Variants in DBF4 observed in about 807,000 individuals in gnomAD.
DBF4 encodes the protein DBF4-CDC7 kinase regulatory subunit, also known as protein DBF4 homolog A.
Under a neutral mutation model 76.6 loss-of-function variants are expected in DBF4, and 25 were observed. The observed-to-expected ratio is 0.33, with a 90% CI of 0.24 to 0.46. DBF4 has a LOEUF of 0.46. Among genes scored for constraint, DBF4 ranks in the 20% least tolerant of loss-of-function variants. DBF4 has a pLI of 1.00. For missense variants in DBF4, 638 were observed against 760.8 expected, an observed-to-expected ratio of 0.84 and a Z score of 1.90; for synonymous variants, 213 against 258.0, an observed-to-expected ratio of 0.83 and a Z score of 1.67.
rs1163287720 is a variant in DBF4, at chr7:87,882,062, A to C, written c.220-2917A>C. Among the ~76,000 whole-genome samples the C allele has an allele frequency of 2.6e-5, 4 of 152,222 alleles. No homozygotes were observed. The East Asian group carries it at 5.8e-4, about 22-fold the overall frequency. ...CTAGATTGCAAAGGGCGTTTTATTCACTCTAAGGAGTTTTAACTATGTAAG... is the reference window on the plus strand; with the variant it reads ...CTAGATTGCAAAGGGCGTTTTATTCCCTCTAAGGAGTTTTAACTATGTAAG... On this transcript the variant is annotated intron_variant, in intron 2 of 11. Transcript: ENST00000265728.
rs780933871 is a variant in DBF4 at position 87,907,241 on chromosome 7, A to G, written c.1103A>G (p.Lys368Arg). The G allele has an allele frequency of 1.9e-6, 3 of 1,613,226 alleles. No individual in the cohort carries two copies. The highest frequency in any genetic ancestry group is 2.5e-6 in the Non-Finnish European group (3 of 1,179,802). Reference sequence around the variant, plus strand: ...CCTGTTTCTGCAAGTGTCCTGAAAAAGACTGAACAAAAGGAAAAAGTGGAA... The same window carrying G: ...CCTGTTTCTGCAAGTGTCCTGAAAAGGACTGAACAAAAGGAAAAAGTGGAA... ...LSPVSASVLK[K>R]TEQKEKVELQ... Residue 368 changes from lysine (K) to arginine (R), a missense_variant, in exon 12 of 12, where the codon AAG becomes AGG. Transcript: ENST00000265728.
intron 8 of DBF4, among the ~76,000 whole-genome samples, chr7:87,899,265 A>C (rs1839709621): frequency 6.6e-6 from 1 of 152,250 alleles, no homozygotes; most frequent in Non-Finnish European, 1.5e-5. Context: ...CTGTGCCTAA[A>C]GGGATATAAC....
chr7:87,901,534 T>G (rs1370860046), intron 10 of DBF4, among the ~76,000 whole-genome samples: 3 of 152,196 alleles, frequency 2.0e-5, no homozygotes, highest in Non-Finnish European at 4.4e-5. Context: ...CTATAGTATT[T>G]TGAACCTTAG....
chr7:87,887,517 T>A, intron 5 of DBF4, 119 bp downstream of exon 5: 2 of 1,169,224 alleles, frequency 1.7e-6, no homozygotes. Flanking sequence ...CTGTTTCCTA[T>A]TGCTTATAAC....
chr7:87,897,490 T>C, intron 8 of DBF4, 151 bp downstream of exon 8: 3 of 618,224 alleles, frequency 4.9e-6, no homozygotes, highest in Non-Finnish European at 8.0e-6. Context: ...TTAACGAAAG[T>C]AGCATTAATT....
In DBF4 at chr7:87,908,662, G is replaced by T. The variant is rs1839967824; in HGVS notation, c.*499G>T. On this transcript the variant is annotated 3_prime_UTR_variant, in exon 12 of 12. Transcript: ENST00000265728. The stretch of plus-strand genomic sequence containing the variant: ...ACTGGTGGACCATGCTAGTATTTTG[G>T]TGCTGAGTAATTAGATTATGTATAG... The T allele has an allele frequency of 6.6e-6, 1 of 152,558 alleles. No individual in the cohort carries two copies. Among genetic ancestry groups the T allele is most frequent in the African/African-American group, 2.4e-5 (1 of 41,442 alleles). The allele number at this position is 152,558 out of a possible 1,614,324, so 9.5% of individuals were successfully genotyped here.
At chr7:87,886,535 CAA>C (rs11411808) in intron 3 of DBF4, among the ~76,000 whole-genome samples, 5 of 54,250 alleles carry the variant, frequency 9.2e-5, no homozygotes, top group Admixed American at 2.4e-4. Context: ...ACTTTGTCTC[CAA>C]AAAAAAAAAA....
chr7:87,887,893 T>G lies in DBF4; in HGVS notation c.521-90T>G, dbSNP rs562357968. ...CATAAGAGATACCTATAATGGTAAATTCTTTATCTAATTTAACTACAAGAA... is the reference window on the plus strand; with the variant it reads ...CATAAGAGATACCTATAATGGTAAAGTCTTTATCTAATTTAACTACAAGAA... On this transcript the variant is annotated intron_variant, in intron 5 of 11. Transcript: ENST00000265728. 2.4e-6 allele frequency: 3 copies of G among 1,241,620 alleles called. No individual in the cohort carries two copies. In the East Asian group the frequency reaches 8.2e-5, roughly 34 times the overall value. The allele number at this position is 1,241,620 out of a possible 1,614,324, so 76.9% of individuals were successfully genotyped here.
intron 2 of DBF4, among the ~76,000 whole-genome samples, chr7:87,879,106 T>G (rs1839145187): frequency 6.6e-6 from 1 of 152,074 alleles, no homozygotes; most frequent in African/African-American, 2.4e-5. Flanking sequence ...GTGCCACCAC[T>G]CCTGGGTAAT....
At chr7:87,900,119 T>C (rs1287741014) in intron 8 of DBF4, 102 bp from the exon 9 acceptor site, 6 of 997,306 alleles carry the variant, frequency 6.0e-6, no homozygotes, top group Non-Finnish European at 8.8e-6. Context: ...TAATTTGTTA[T>C]TTCAGATTCC....
At chr7:87,895,125 T>A (rs556468946) in intron 6 of DBF4, among the ~76,000 whole-genome samples, 4 of 152,286 alleles carry the variant, frequency 2.6e-5, no homozygotes, top group African/African-American at 9.6e-5. Context: ...AGTTCACTAA[T>A]ACTTAATTGT....
chr7:87,887,926 CT>C, intron 5 of DBF4, 56 bp from the exon 6 acceptor site: 1 of 1,412,052 alleles, frequency 7.1e-7, no homozygotes, highest in Non-Finnish European at 9.6e-7. Context: ...GAAAATATCA[CT>C]GTTTAACTCC....
At chr7:87,878,404 A>C in intron 2 of DBF4, 179 bp downstream of exon 2, 1 of 537,602 alleles carries the variant, frequency 1.9e-6, no homozygotes, top group Non-Finnish European at 3.2e-6. Flanking sequence ...GGACTGACAG[A>C]CCTTTCAGGT....
At chr7:87,881,252 C>G (rs938535864) in intron 2 of DBF4, among the ~76,000 whole-genome samples, 1 of 152,024 alleles carries the variant, frequency 6.6e-6, no homozygotes, top group Non-Finnish European at 1.5e-5. Flanking sequence ...ACTAAAAATA[C>G]AAAAATTTAG....
chr7:87,904,561 A>G (rs1584374333), intron 11 of DBF4, 145 bp downstream of exon 11: 31 of 967,614 alleles, frequency 3.2e-5, no homozygotes, highest in South Asian at 4.8e-5. Context: ...CCAACATGGC[A>G]AAACCCCATC....
chr7:87,896,048 T>G (rs1343440479), intron 6 of DBF4: 1 of 159,608 alleles, frequency 6.3e-6, no homozygotes. Context: ...AGTTGCTTAT[T>G]CAGTGTTGTC....
Position 87,879,845 on chromosome 7 carries a change from C to T in DBF4, c.219+1620C>T, listed in dbSNP as rs145036971. On this transcript the variant is annotated intron_variant, in intron 2 of 11. Coordinates refer to ENST00000265728, the MANE Select transcript of DBF4 (RefSeq NM_006716.4). ...GTGCATGCCTGTAGTCCCAGCTATTCGGGAGGCCGAGGCATGAGCATCACT... is the reference window on the plus strand; with the variant it reads ...GTGCATGCCTGTAGTCCCAGCTATTTGGGAGGCCGAGGCATGAGCATCACT... Among the ~76,000 whole-genome samples the T allele has an allele frequency of 4.9e-3, 746 of 151,476 alleles. 7 individuals are homozygous for T. The highest frequency in any genetic ancestry group is 0.017 in the African/African-American group (712 of 41,232).
At chr7:87,893,393 C>T (rs1355746000) in intron 6 of DBF4, among the ~76,000 whole-genome samples, 2 of 151,524 alleles carry the variant, frequency 1.3e-5, no homozygotes, top group African/African-American at 4.8e-5. Flanking sequence ...CTACAGGCGC[C>T]CGCCACCGCG....
intron 8 of DBF4, among the ~76,000 whole-genome samples, chr7:87,899,223 A>G (rs763123827): frequency 1.4e-4 from 22 of 152,210 alleles, no homozygotes; most frequent in Non-Finnish European, 2.5e-4. Context: ...AGATAAAATA[A>G]TTAAATTGGA....
Sources: allele counts gnomAD v4.1 joint callset (sites outside exome capture counted in the v4.1 genomes callset), GRCh38; gene constraint gnomAD v4.1.1; transcripts MANE v1.5; gene names NCBI Gene and HGNC (gene_info 2026-07-23, HGNC 2026-07-21).